The following UGT1A7 variants were observed in gnomAD, a reference collection of about 807,000 sequenced individuals.
The protein encoded by UGT1A7 is UDP-glucuronosyltransferase 1A7.
In UGT1A7, 33 loss-of-function variants were observed where a neutral mutation model predicts 45.6. That is an observed-to-expected ratio of 0.72 (90% CI 0.55 to 0.97). UGT1A7 has a LOEUF of 0.97. UGT1A7 is among the 50% of genes least tolerant of loss of function. The pLI is 0.00. For missense variants in UGT1A7, 684 were observed against 666.2 expected (o/e 1.03, Z -0.29); for synonymous variants, 274 against 250.6 (o/e 1.09, Z -0.88).
chr2:233,767,851 C>G lies in UGT1A7; in HGVS notation c.990C>G (p.Val330=), dbSNP rs752058783. 1 of 1,614,170 alleles carries G rather than the reference C, an allele frequency of 6.2e-7. No individual in the cohort carries two copies. Among genetic ancestry groups the G allele is most frequent in the Non-Finnish European group, 8.5e-7 (1 of 1,180,036 alleles). ...ADALGKIPQT[V]LWRYTGTRPS... Reference sequence around the variant, plus strand: ...TCTGCTCTTTTTGCCCCTCCCAGGTCCTGTGGCGGTACACTGGAACCCGAC... The same window carrying G: ...TCTGCTCTTTTTGCCCCTCCCAGGTGCTGTGGCGGTACACTGGAACCCGAC... The change falls in exon 3 of 5, where the codon GTC becomes GTG. Residue 330 remains valine (V), a splice_region_variant and synonymous_variant. Transcript: ENST00000373426.
intron 1 of UGT1A7, among the ~76,000 whole-genome samples, chr2:233,722,756 G>T (rs2077034440): frequency 6.6e-6 from 1 of 151,434 alleles, no homozygotes; most frequent in African/African-American, 2.4e-5. Context: ...TGTCTATAAG[G>T]CTGTTACCTA....
chr2:233,772,893 C>A lies in UGT1A7; in HGVS notation c.*334C>A, dbSNP rs1248675472. 18 of 490,984 alleles carry A rather than the reference C, an allele frequency of 3.7e-5. No individual in the cohort carries two copies. In the East Asian group the frequency reaches 9.8e-4, roughly 27 times the overall value. 30.4% of individuals were successfully genotyped at this position (490,984 alleles called of 1,614,324 possible). A position where few individuals can be genotyped will look rare whatever the true frequency, so the allele number is the denominator to read the frequency against. ...TGGGAGTGCGGGATTCAAAGGTGGTCCCACGGCTGCCCCTACTGCAAATGG... is the reference window on the plus strand; with the variant it reads ...TGGGAGTGCGGGATTCAAAGGTGGTACCACGGCTGCCCCTACTGCAAATGG... On this transcript the variant is annotated 3_prime_UTR_variant, in exon 5 of 5. Transcript: ENST00000373426.
At chr2:233,719,637 A>T in intron 1 of UGT1A7, 1 of 1,614,040 alleles carries the variant, frequency 6.2e-7, no homozygotes. Flanking sequence ...CATGCCCAAC[A>T]TGGTCTTCAT....
At chr2:233,767,763 C>T (rs34082659) in intron 2 of UGT1A7, 86 bp from the exon 3 acceptor site, 28,610 of 1,607,468 alleles carry the variant, frequency 0.018, 380 homozygotes, top group Admixed American at 0.044. Flanking sequence ...CTTCAGAGGA[C>T]CCCTGTTTTC....
At chr2:233,713,112 TG>T (rs2076279205) in intron 1 of UGT1A7, 13 of 1,614,212 alleles carry the variant, frequency 8.1e-6, no homozygotes, top group Non-Finnish European at 1.1e-5. Context: ...TGGCAGCCAC[TG>T]GCTCAGCATG....
chr2:233,767,835 T>C lies in UGT1A7; in HGVS notation c.988-14T>C. Reference sequence around the variant, plus strand: ...TGTTCTTTCTTTACGTTCTGCTCTTTTTGCCCCTCCCAGGTCCTGTGGCGG... The same window carrying C: ...TGTTCTTTCTTTACGTTCTGCTCTTCTTGCCCCTCCCAGGTCCTGTGGCGG... On this transcript the variant is annotated splice_polypyrimidine_tract_variant and intron_variant, in intron 2 of 4. Coordinates refer to ENST00000373426, the MANE Select transcript of UGT1A7 (RefSeq NM_019077.3). 1.9e-6 allele frequency: 3 copies of C among 1,614,192 alleles called. No homozygotes were observed. Among genetic ancestry groups the C allele is most frequent in the Non-Finnish European group, 2.5e-6 (3 of 1,180,034 alleles).
At chr2:233,713,300 A>G in intron 1 of UGT1A7, 1 of 1,614,272 alleles carries the variant, frequency 6.2e-7, no homozygotes, top group Non-Finnish European at 8.5e-7. Context: ...TCTTTGAAAC[A>G]GAACATCTTC....
intron 1 of UGT1A7, chr2:233,754,915 G>A (rs747609109): frequency 3.0e-6 from 4 of 1,353,928 alleles, no homozygotes; most frequent in Admixed American, 1.9e-5. Context: ...ATATTCTCCA[G>A]CGGGTTTCCC....
chr2:233,769,469 G>T lies in UGT1A7; in HGVS notation c.1295+1030G>T. On this transcript the variant is annotated intron_variant, in intron 4 of 4. Coordinates refer to ENST00000373426, the MANE Select transcript of UGT1A7 (RefSeq NM_019077.3). The surrounding 1 kb of genome is among the most constrained non-coding windows in gnomAD (Gnocchi z 4.4). ...CACACGTGTGCATTCATATGCGTGT[G>T]TGTGTGTGTGCGTGTGTTTATGAGA... 2 of 1,610,132 alleles carry T rather than the reference G, an allele frequency of 1.2e-6. No homozygotes were observed.
intron 1 of UGT1A7, among the ~76,000 whole-genome samples, chr2:233,745,583 G>A (rs1693151733): frequency 6.6e-6 from 1 of 151,632 alleles, no homozygotes; most frequent in Non-Finnish European, 1.5e-5. Context: ...GACATAACCT[G>A]AGACCCGGAC....
intron 1 of UGT1A7, among the ~76,000 whole-genome samples, chr2:233,724,870 T>C (rs1288208202): frequency 1.6e-5 from 2 of 128,160 alleles, no homozygotes; most frequent in African/African-American, 6.8e-5. Context: ...TAGGTTGTAG[T>C]GAGCGGAGAT....
At chr2:233,698,869 C>T (rs746401126) in intron 1 of UGT1A7, among the ~76,000 whole-genome samples, 4 of 152,218 alleles carry the variant, frequency 2.6e-5, no homozygotes, top group Admixed American at 1.3e-4. Context: ...TGTGACTTTG[C>T]GACTTTGACC....
intron 1 of UGT1A7, among the ~76,000 whole-genome samples, chr2:233,758,500 A>T (rs552604642): frequency 1.2e-4 from 19 of 152,348 alleles, no homozygotes; most frequent in African/African-American, 4.6e-4. Flanking sequence ...CAGAATTTCT[A>T]ATAAGGACAC....
chr2:233,750,566 C>G (rs575907211), intron 1 of UGT1A7: 1 of 151,898 alleles, frequency 6.6e-6, no homozygotes, highest in Admixed American at 6.5e-5. Context: ...TGCAGCAGAC[C>G]CTCCCATCAC....
intron 1 of UGT1A7, among the ~76,000 whole-genome samples, chr2:233,748,968 G>A (rs1280348078): frequency 6.6e-6 from 1 of 151,594 alleles, no homozygotes; most frequent in Admixed American, 6.6e-5. Flanking sequence ...TTTCTATAGT[G>A]GGATCTACTT....
At chr2:233,747,631 A>C in intron 1 of UGT1A7, 1 of 1,579,028 alleles carries the variant, frequency 6.3e-7, no homozygotes, top group Non-Finnish European at 8.7e-7. Context: ...CTGATCAGGC[A>C]CCTGAATGCT....
intron 1 of UGT1A7, among the ~76,000 whole-genome samples, chr2:233,725,237 G>A: frequency 1.2e-5 from 1 of 85,832 alleles, no homozygotes; most frequent in Non-Finnish European, 2.1e-5. Context: ...AGGCAGAGGA[G>A]GCAGAGGCAG....
chr2:233,757,895 TC>T (rs374634919), intron 1 of UGT1A7, among the ~76,000 whole-genome samples: 2 of 152,016 alleles, frequency 1.3e-5, no homozygotes, highest in Non-Finnish European at 2.9e-5. Context: ...AGAAACACTT[TC>T]CATGGACGTG....
chr2:233,753,752 T>C (rs1695297434), intron 1 of UGT1A7: 1 of 152,236 alleles, frequency 6.6e-6, no homozygotes, highest in African/African-American at 2.4e-5. Context: ...TAGGACAGTT[T>C]TGCGTGGCCC....
Sources: gnomAD v4.1 joint callset for allele counts (sites outside exome capture counted in the v4.1 genomes callset) on GRCh38, gnomAD v4.1.1 for gene constraint, Gnocchi (gnomAD v3.1) non-coding constraint, MANE v1.5 for transcripts, NCBI Gene and HGNC (gene_info 2026-07-23, HGNC 2026-07-21) for gene names.